The following ENTREP2 variants were observed in gnomAD, a reference collection of about 807,000 sequenced individuals.
The protein encoded by ENTREP2 is protein ENTREP2.
At chr15:29,316,563 A>C in the ENTREP2 span, among the ~76,000 whole-genome samples, 1 of 152,206 alleles carries the variant, frequency 6.6e-6, no homozygotes, top group Non-Finnish European at 1.5e-5. Flanking sequence ...ACACAAAATA[A>C]TGTGATGTCT....
At chr15:29,174,426 C>T in the ENTREP2 span, among the ~76,000 whole-genome samples, 12 of 152,300 alleles carry the variant, frequency 7.9e-5, no homozygotes, top group Admixed American at 2.0e-4. Context: ...CGGTGGCTCA[C>T]GCCTGTAATC....
chr15:29,323,204 A>G, the ENTREP2 span, among the ~76,000 whole-genome samples: 1 of 152,170 alleles, frequency 6.6e-6, no homozygotes, highest in South Asian at 2.1e-4. Flanking sequence ...TGCTCACTGG[A>G]AAGACAGAGG....
the ENTREP2 span, among the ~76,000 whole-genome samples, chr15:29,180,486 G>A: frequency 1.3e-5 from 2 of 152,104 alleles, no homozygotes; most frequent in Non-Finnish European, 2.9e-5. Context: ...CCAACATGGT[G>A]AAACCCTGTC....
At chr15:29,523,593 A>G in the ENTREP2 span, among the ~76,000 whole-genome samples, 1 of 99,562 alleles carries the variant, frequency 1.0e-5, no homozygotes, top group Non-Finnish European at 2.0e-5. Context: ...TTTTTTTTGC[A>G]AAAATGGACA....
At chr15:29,403,800 C>T in the ENTREP2 span, among the ~76,000 whole-genome samples, 5 of 152,282 alleles carry the variant, frequency 3.3e-5, no homozygotes, top group East Asian at 1.9e-4. Flanking sequence ...GCTCCCTTCT[C>T]GGAATTCTTG....
At chr15:29,163,599 C>A in the ENTREP2 span, among the ~76,000 whole-genome samples, 1 of 151,754 alleles carries the variant, frequency 6.6e-6, no homozygotes, top group East Asian at 1.9e-4. Context: ...TGAATTAACC[C>A]AATCCCACAA....
the ENTREP2 span, chr15:29,234,425 G>A: frequency 6.6e-7 from 1 of 1,513,864 alleles, no homozygotes; most frequent in Admixed American, 1.7e-5. Flanking sequence ...AACCATTCCA[G>A]TAGTCCCTCG....
At chr15:29,622,195 A>G in the ENTREP2 span, among the ~76,000 whole-genome samples, 1 of 151,306 alleles carries the variant, frequency 6.6e-6, no homozygotes, top group Non-Finnish European at 1.5e-5. Context: ...TGGTTAAAAT[A>G]GTTTATTTTA....
At chr15:29,542,442 G>C in the ENTREP2 span, among the ~76,000 whole-genome samples, 61 of 151,716 alleles carry the variant, frequency 4.0e-4, no homozygotes, top group South Asian at 5.2e-3. Context: ...GGGACTACAG[G>C]AGCCTGCAGC....
At chr15:29,239,753 A>T in the ENTREP2 span, among the ~76,000 whole-genome samples, 1 of 152,184 alleles carries the variant, frequency 6.6e-6, no homozygotes, top group Non-Finnish European at 1.5e-5. Context: ...TACTTACAGG[A>T]AACAATACTT....
At chr15:29,325,481 C>A in the ENTREP2 span, among the ~76,000 whole-genome samples, 1 of 152,054 alleles carries the variant, frequency 6.6e-6, no homozygotes, top group East Asian at 1.9e-4. Context: ...GAACTCTATA[C>A]CTCTAAATTT....
chr15:29,296,453 C>T, the ENTREP2 span, among the ~76,000 whole-genome samples: 7 of 152,010 alleles, frequency 4.6e-5, no homozygotes, highest in African/African-American at 1.4e-4. Flanking sequence ...ATCCTCAGAA[C>T]AAATATTGGA....
At chr15:29,430,954 C>G in the ENTREP2 span, among the ~76,000 whole-genome samples, 1 of 152,168 alleles carries the variant, frequency 6.6e-6, no homozygotes, top group African/African-American at 2.4e-5. Context: ...TCCCAGATGT[C>G]TTTCTAGTAA....
At chr15:29,488,544 A>T in the ENTREP2 span, among the ~76,000 whole-genome samples, 2 of 152,136 alleles carry the variant, frequency 1.3e-5, no homozygotes, top group Non-Finnish European at 2.9e-5. Flanking sequence ...GATAAAAGAT[A>T]CAAATCTACA....
At chr15:29,480,644 G>A in the ENTREP2 span, among the ~76,000 whole-genome samples, 15 of 152,256 alleles carry the variant, frequency 9.9e-5, no homozygotes, top group South Asian at 4.1e-4. Flanking sequence ...CAGCAGAGAG[G>A]AGGAACGTCT....
the ENTREP2 span, among the ~76,000 whole-genome samples, chr15:29,665,675 C>G: frequency 6.6e-6 from 1 of 152,150 alleles, no homozygotes; most frequent in African/African-American, 2.4e-5. Flanking sequence ...CTCACGCAGG[C>G]AGCACAGGGG....
chr15:29,287,811 G>A, the ENTREP2 span, among the ~76,000 whole-genome samples: 1 of 152,150 alleles, frequency 6.6e-6, no homozygotes, highest in Admixed American at 6.6e-5. Context: ...AAACAAGTCT[G>A]AACAACAAAA....
At chr15:29,409,868 C>G in the ENTREP2 span, among the ~76,000 whole-genome samples, 3 of 152,202 alleles carry the variant, frequency 2.0e-5, no homozygotes, top group Admixed American at 6.5e-5. Context: ...ACTCAAGCTG[C>G]TAACTTAATA....
chr15:29,553,324 A>G, the ENTREP2 span, among the ~76,000 whole-genome samples: 1 of 152,192 alleles, frequency 6.6e-6, no homozygotes, highest in African/African-American at 2.4e-5. Flanking sequence ...AAAAACCTGT[A>G]AAGTTGTTAA....
Sources: allele counts gnomAD v4.1 joint callset (sites outside exome capture counted in the v4.1 genomes callset), GRCh38; gene constraint gnomAD v4.1.1; transcripts MANE v1.5; gene names NCBI Gene and HGNC (gene_info 2026-07-23, HGNC 2026-07-21).